The following CAPN5 variants were observed in gnomAD, a reference collection of about 807,000 sequenced individuals.
CAPN5 encodes the protein calpain-5.
In CAPN5, 54 loss-of-function variants were observed where a neutral mutation model predicts 73.0. The ratio of observed to expected loss-of-function variants is 0.74; its 90% CI spans 0.59 to 0.93. The LOEUF is 0.93. Ranked by LOEUF, CAPN5 falls within the 40% of genes least tolerant of loss-of-function variation. The pLI, the probability that CAPN5 is intolerant of heterozygous loss-of-function variation, is 0.00. For missense variants in CAPN5, 785 were observed against 882.9 expected (o/e 0.89, Z 1.41); for synonymous variants, 335 against 356.9 (o/e 0.94, Z 0.69).
chr11:77,073,025 G>A (rs782424853), intron 1 of CAPN5: 40 of 1,228,156 alleles, frequency 3.3e-5, no homozygotes, highest in Non-Finnish European at 4.1e-5. Context: ...CGAGCACACA[G>A]CCCCCACCCC....
intron 1 of CAPN5, among the ~76,000 whole-genome samples, chr11:77,077,300 T>C (rs1949981253): frequency 6.6e-6 from 1 of 152,002 alleles, no homozygotes; most frequent in South Asian, 2.1e-4. Context: ...GAGGTTGCAG[T>C]GAGCCGAGAT....
At chr11:77,095,714 C>A (rs887307393) in intron 3 of CAPN5, among the ~76,000 whole-genome samples, 1 of 152,212 alleles carries the variant, frequency 6.6e-6, no homozygotes, top group East Asian at 1.9e-4. Context: ...ATGTGTCCTG[C>A]CCTGGGCTTG....
intron 4 of CAPN5, among the ~76,000 whole-genome samples, chr11:77,113,180 G>T (rs1379177720): frequency 6.6e-6 from 1 of 152,226 alleles, no homozygotes; most frequent in South Asian, 2.1e-4. Flanking sequence ...GCCTGGTTGT[G>T]CAGGGTGGGC....
intron 1 of CAPN5, among the ~76,000 whole-genome samples, chr11:77,067,387 C>A (rs548568698): frequency 5.9e-5 from 9 of 151,836 alleles, no homozygotes; most frequent in Non-Finnish European, 1.0e-4. Flanking sequence ...TGCGGACGCG[C>A]TGGAAGCGCC....
rs782452936 is a variant in CAPN5, at chr11:77,123,717, A to G, written c.1770A>G (p.Glu590=). The G allele has an allele frequency of 1.9e-6, 3 of 1,613,698 alleles. No individual in the cohort carries two copies. Among genetic ancestry groups the G allele is most frequent in the Non-Finnish European group, 2.5e-6 (3 of 1,179,888 alleles). Residue 590 remains glutamate, a synonymous_variant, in exon 13 of 13, where the codon GAA becomes GAG. Transcript: ENST00000648180. ...QVWNHRVLKD[E]FLGQVHLKAD... ...GGAACCACCGAGTGCTGAAGGATGA[A>G]TTTCTGGGCCAGGTGCACCTAAAGG... is the stretch of plus-strand genomic sequence containing the variant.
intron 1 of CAPN5, chr11:77,073,259 C>G (rs782351739): frequency 1.6e-5 from 7 of 440,048 alleles, no homozygotes; most frequent in African/African-American, 4.1e-5. Context: ...CCCTGCCCAA[C>G]AGTCTCCACC....
intron 1 of CAPN5, among the ~76,000 whole-genome samples, chr11:77,079,783 T>TTGTGTGTGTGTG (rs147108363): frequency 4.7e-4 from 70 of 148,242 alleles, no homozygotes; most frequent in African/African-American, 1.3e-3. Context: ...CTACTTGAGA[T>TTGTGTGTGTGTG]TGTGTGTGTG....
chr11:77,078,696 C>T (rs1555034210), intron 1 of CAPN5, among the ~76,000 whole-genome samples: 1 of 152,080 alleles, frequency 6.6e-6, no homozygotes, highest in Non-Finnish European at 1.5e-5. Context: ...TCTACATATA[C>T]AGATATGTAT....
chr11:77,116,031 C>T (rs1281064735), intron 6 of CAPN5, among the ~76,000 whole-genome samples, 195 bp from the exon 7 acceptor site: 1 of 152,222 alleles, frequency 6.6e-6, no homozygotes, highest in Non-Finnish European at 1.5e-5. Context: ...TGGCAGCTCA[C>T]GGTCCCTTGT....
At chr11:77,078,266 A>C (rs1178172047) in intron 1 of CAPN5, among the ~76,000 whole-genome samples, 1 of 152,214 alleles carries the variant, frequency 6.6e-6, no homozygotes, top group East Asian at 1.9e-4. Flanking sequence ...GGAAACTTTT[A>C]TTCTTCTGCG....
In CAPN5 at chr11:77,124,074, T is replaced by G. The variant is rs1950550597; in HGVS notation, c.*204T>G. ...AGCATTCCATTCTCGTGGAGGAGTT[T>G]CCTTGCTGAGATTTCAAATAGTCCT... On this transcript the variant is annotated 3_prime_UTR_variant, in exon 13 of 13. Coordinates refer to ENST00000648180, the MANE Select transcript of CAPN5 (RefSeq NM_004055.5). The G allele has an allele frequency of 1.0e-5, 6 of 586,882 alleles. No individual in the cohort carries two copies. Among genetic ancestry groups the G allele is most frequent in the Admixed American group, 9.4e-5 (3 of 31,802 alleles). 36.4% of individuals were successfully genotyped at this position (586,882 alleles called of 1,614,324 possible).
At chr11:77,103,777 C>A (rs1591134786) in intron 3 of CAPN5, among the ~76,000 whole-genome samples, 1 of 152,364 alleles carries the variant, frequency 6.6e-6, no homozygotes, top group African/African-American at 2.4e-5. Context: ...GTCCAGCAAG[C>A]CGGCATTCAC....
intron 3 of CAPN5, chr11:77,102,781 A>C (rs1950299349): frequency 4.1e-6 from 6 of 1,467,354 alleles, no homozygotes; most frequent in Admixed American, 2.4e-5. Flanking sequence ...TCTTCTCTCC[A>C]CGGCCCCAGG....
At chr11:77,105,598 G>A (rs955931398) in intron 3 of CAPN5, among the ~76,000 whole-genome samples, 2 of 152,210 alleles carry the variant, frequency 1.3e-5, no homozygotes, top group African/African-American at 4.8e-5. Flanking sequence ...TCCGGCCTGT[G>A]CCTGGGTTTA....
chr11:77,086,271 C>A (rs1357081758), intron 2 of CAPN5, among the ~76,000 whole-genome samples: 1 of 152,158 alleles, frequency 6.6e-6, no homozygotes, highest in African/African-American at 2.4e-5. Flanking sequence ...TTCTAGTTTC[C>A]CTCCCAGGCT....
intron 1 of CAPN5, among the ~76,000 whole-genome samples, chr11:77,076,250 G>C (rs1348808780): frequency 2.6e-5 from 4 of 152,152 alleles, no homozygotes; most frequent in Non-Finnish European, 5.9e-5. Context: ...TAATCCCAGG[G>C]AGGCTGAGGC....
rs782766470 is a variant in CAPN5 at position 77,122,624 on chromosome 11, C to T, written c.1652C>T (p.Ser551Leu). The T allele has an allele frequency of 5.5e-5, 89 of 1,613,008 alleles. 2 individuals are homozygous for T. In the South Asian group the frequency reaches 8.9e-4, roughly 16 times the overall value. The change falls in exon 12 of 13, where the codon TCG (serine) becomes TTG (leucine). Residue 551 changes from serine (S) to leucine (L), a missense_variant. By Grantham distance (145) the Ser-to-Leu change is moderately radical (BLOSUM62 -2). Coordinates refer to ENST00000648180, the MANE Select transcript of CAPN5 (RefSeq NM_004055.5). ...AAGTGTGAGGGAGACAAAGTCCGCT[C>T]GGCTGTGCAGAAGGGCACCTCCACA... is the stretch of plus-strand genomic sequence containing the variant. Reference protein sequence around the residue: ...IIKCEGDKVRSAVQKGTSTPE... With the variant: ...IIKCEGDKVRLAVQKGTSTPE...
intron 2 of CAPN5, among the ~76,000 whole-genome samples, chr11:77,092,353 G>A (rs1222187984): frequency 1.3e-5 from 2 of 152,282 alleles, no homozygotes; most frequent in Non-Finnish European, 2.9e-5. Context: ...TCAGTCTCCA[G>A]TCTGAAGCCA....
intron 2 of CAPN5, among the ~76,000 whole-genome samples, chr11:77,090,347 T>C (rs1350009088): frequency 4.6e-5 from 7 of 152,172 alleles, no homozygotes; most frequent in African/African-American, 1.4e-4. Flanking sequence ...AATCTGGGAA[T>C]CGTGACTCCC....
Sources: gnomAD v4.1 joint callset for allele counts (sites outside exome capture counted in the v4.1 genomes callset) on GRCh38, gnomAD v4.1.1 for gene constraint, MANE v1.5 for transcripts, NCBI Gene and HGNC (gene_info 2026-07-23, HGNC 2026-07-21) for gene names.